Variants in DISC1 observed in about 807,000 individuals in gnomAD.
The protein encoded by DISC1 is disrupted in schizophrenia 1 protein.
A neutral mutation model predicts 84.5 loss-of-function variants in DISC1; 57 were observed. The ratio of observed to expected loss-of-function variants is 0.67; its 90% confidence interval spans 0.55 to 0.84. The LOEUF (loss-of-function observed/expected upper bound fraction) is 0.84. Ranked by LOEUF, DISC1 falls within the 40% of genes least tolerant of loss-of-function variation. The pLI is 0.00. For synonymous variants in DISC1, 411 were observed against 415.2 expected (o/e 0.99, Z 0.12); for missense variants, 1,000 against 1,057.8 (o/e 0.95, Z 0.76).
At chr1:231,951,635 T>G (rs1658383585) in intron 9 of DISC1, among the ~76,000 whole-genome samples, 2 of 152,168 alleles carry the variant, frequency 1.3e-5, no homozygotes, top group South Asian at 4.1e-4. Context: ...TGAATCTAAC[T>G]TGTTGCTTTT....
chr1:231,722,046 G>A (rs973839196), intron 3 of DISC1, among the ~76,000 whole-genome samples: 4 of 151,632 alleles, frequency 2.6e-5, no homozygotes, highest in Admixed American at 6.6e-5. Flanking sequence ...CCGGCTACTC[G>A]GGAGGCTGAG....
At chr1:231,967,724 G>A (rs1001122309) in intron 10 of DISC1, among the ~76,000 whole-genome samples, 4 of 152,050 alleles carry the variant, frequency 2.6e-5, no homozygotes, top group Admixed American at 6.6e-5. Context: ...AATATAAAGC[G>A]CTTAATTCTA....
chr1:231,804,203 G>T (rs935407791), intron 8 of DISC1, among the ~76,000 whole-genome samples: 3 of 152,136 alleles, frequency 2.0e-5, no homozygotes, highest in African/African-American at 7.2e-5. Context: ...GCTGATTCAA[G>T]GGAAGGGCCA....
intron 9 of DISC1, among the ~76,000 whole-genome samples, chr1:231,849,784 C>T (rs577632648): frequency 1.3e-5 from 2 of 152,286 alleles, no homozygotes; most frequent in Admixed American, 6.5e-5. Flanking sequence ...CACCATAACA[C>T]GTTGGTTTCT....
intron 9 of DISC1, among the ~76,000 whole-genome samples, chr1:231,863,523 G>A (rs554584488): frequency 1.3e-5 from 2 of 152,184 alleles, no homozygotes; most frequent in African/African-American, 2.4e-5. Flanking sequence ...GAGCCACCGC[G>A]CCTGGCCTAA....
At chr1:231,833,329 C>A (rs1387242738) in intron 9 of DISC1, among the ~76,000 whole-genome samples, 1 of 151,364 alleles carries the variant, frequency 6.6e-6, no homozygotes, top group Non-Finnish European at 1.5e-5. Context: ...GAAACAGGCC[C>A]TTGAAAAGAA....
chr1:232,023,464 C>T (rs909110938), intron 11 of DISC1, among the ~76,000 whole-genome samples: 1 of 152,086 alleles, frequency 6.6e-6, no homozygotes, highest in Non-Finnish European at 1.5e-5. Flanking sequence ...TTTAAATGAA[C>T]AAATTATTTC....
intron 1 of DISC1, among the ~76,000 whole-genome samples, chr1:231,631,878 A>G (rs2058737321): frequency 6.6e-6 from 1 of 152,158 alleles, no homozygotes; most frequent in African/African-American, 2.4e-5. Flanking sequence ...GTAGCATGAA[A>G]TTATGTCCTC....
At chr1:231,784,660 CTATACTT>C (rs1243107896) in intron 6 of DISC1, among the ~76,000 whole-genome samples, 1 of 152,176 alleles carries the variant, frequency 6.6e-6, no homozygotes, top group African/African-American at 2.4e-5. Context: ...AATGGTCTTT[CTATACTT>C]TATTCCTCCC....
chr1:231,670,071 G>T (rs1052717728), intron 1 of DISC1, among the ~76,000 whole-genome samples: 1 of 152,108 alleles, frequency 6.6e-6, no homozygotes, highest in Non-Finnish European at 1.5e-5. Context: ...GACCTGGATG[G>T]AGCGGGAGGC....
chr1:231,839,048 CAGCAG>C (rs2082831043), intron 9 of DISC1, among the ~76,000 whole-genome samples: 2 of 152,144 alleles, frequency 1.3e-5, no homozygotes, highest in Non-Finnish European at 2.9e-5. Flanking sequence ...GGTATCAAGA[CAGCAG>C]AGATAAGGAC....
At chr1:231,796,509 G>T (rs529557021) in intron 7 of DISC1, among the ~76,000 whole-genome samples, 1 of 152,112 alleles carries the variant, frequency 6.6e-6, no homozygotes, top group East Asian at 1.9e-4. Context: ...CAGAATCAGG[G>T]ATGTGATGTT....
At chr1:231,949,155 A>C (rs1249990618) in intron 9 of DISC1, among the ~76,000 whole-genome samples, 5 of 152,128 alleles carry the variant, frequency 3.3e-5, no homozygotes, top group Admixed American at 2.0e-4. Flanking sequence ...GGCGTGAGCC[A>C]CCGTGCCCGG....
chr1:231,976,926 A>G lies in DISC1; in HGVS notation c.2042+18038A>G, dbSNP rs374358537. ...TCGGATAATCTGCTATATACTTTAA[A>G]GAGATTATGTGCTGTATGCCTCCCA... On this transcript the variant is annotated intron_variant, in intron 10 of 12. Transcript: ENST00000439617. Among the ~76,000 whole-genome samples, 40 of 152,288 alleles carry G rather than the reference A, an allele frequency of 2.6e-4. No individual in the cohort carries two copies. The South Asian group carries it at 8.1e-3, about 31-fold the overall frequency.
Position 231,694,091 on chromosome 1 carries a change from G to A in DISC1, c.333G>A (p.Val111=). 6.2e-7 allele frequency: 1 copy of A among 1,614,208 alleles called. No homozygotes were observed. Among genetic ancestry groups the A allele is most frequent in the African/African-American group, 1.3e-5 (1 of 75,062 alleles). The change falls in exon 2 of 13, where the codon GTG becomes GTA. Residue 111 remains valine, a synonymous_variant. Coordinates refer to ENST00000439617, the MANE Select transcript of DISC1 (RefSeq NM_018662.3). ...KSAAAPTVTS[V]RGTSAHFGIQ... ...CAGCAGCCCCTACTGTGACCTCTGT[G>A]AGAGGAACCTCGGCGCACTTTGGGA...
chr1:231,825,333 C>T (rs1558614491), intron 9 of DISC1, among the ~76,000 whole-genome samples: 1 of 152,188 alleles, frequency 6.6e-6, no homozygotes, highest in South Asian at 2.1e-4. Context: ...AGAAACTTGA[C>T]TCTATGTAAT....
chr1:231,909,845 A>G (rs559944161), intron 9 of DISC1, among the ~76,000 whole-genome samples: 4 of 152,160 alleles, frequency 2.6e-5, no homozygotes, highest in Admixed American at 6.5e-5. Flanking sequence ...TTATTGCCTC[A>G]ATTTCAGAGC....
At chr1:231,898,074 G>T (rs2087848510) in intron 9 of DISC1, among the ~76,000 whole-genome samples, 3 of 152,188 alleles carry the variant, frequency 2.0e-5, no homozygotes, top group African/African-American at 7.2e-5. Flanking sequence ...AAAACAGCAA[G>T]ATGTAATCAA....
intron 9 of DISC1, among the ~76,000 whole-genome samples, chr1:231,924,282 G>T (rs796385206): frequency 1.6e-4 from 24 of 152,300 alleles, no homozygotes; most frequent in African/African-American, 5.1e-4. Flanking sequence ...TTGCTCCTGG[G>T]CCCTTTGTGG....
Sources: allele counts gnomAD v4.1 joint callset (sites outside exome capture counted in the v4.1 genomes callset), GRCh38; gene constraint gnomAD v4.1.1; transcripts MANE v1.5; gene names NCBI Gene and HGNC (gene_info 2026-07-23, HGNC 2026-07-21).